The following TANGO6 variants were observed in gnomAD, a reference collection of about 807,000 sequenced individuals.
TANGO6 encodes the protein transport and golgi organization 6 homolog.
Under a neutral mutation model 114.2 loss-of-function variants are expected in TANGO6, and 90 were observed. That is an observed-to-expected ratio of 0.79 (90% CI 0.66 to 0.94). The LOEUF is 0.94. Among genes scored for constraint, TANGO6 ranks in the 40% least tolerant of loss-of-function variants. The pLI is 0.00. For missense variants in TANGO6, 1,274 were observed against 1,315.3 expected, an observed-to-expected ratio of 0.97 and a Z score of 0.49; for synonymous variants, 477 against 509.8, an observed-to-expected ratio of 0.94 and a Z score of 0.87.
intron 14 of TANGO6, among the ~76,000 whole-genome samples, chr16:68,945,849 T>C (rs1234935992): frequency 6.6e-6 from 1 of 151,848 alleles, no homozygotes; most frequent in Admixed American, 6.6e-5. Context: ...CCACACCCAG[T>C]TAATTTTTGT....
At chr16:68,952,001 T>C (rs1317969110) in intron 14 of TANGO6, among the ~76,000 whole-genome samples, 3 of 152,178 alleles carry the variant, frequency 2.0e-5, no homozygotes, top group African/African-American at 7.2e-5. Flanking sequence ...CTTAATTTCA[T>C]GGCTTCTGGG....
intron 15 of TANGO6, among the ~76,000 whole-genome samples, chr16:69,021,806 TG>T (rs1404618989): frequency 7.2e-5 from 11 of 152,078 alleles, no homozygotes; most frequent in African/African-American, 2.4e-4. Context: ...TAATTATAGT[TG>T]GGCTGGGTTT....
chr16:68,846,866 A>G (rs1037617417), intron 1 of TANGO6: 1 of 151,364 alleles, frequency 6.6e-6, no homozygotes. Flanking sequence ...GGAAAAAAGT[A>G]TCGAGAAACT....
At chr16:68,904,412 T>A (rs1388635309) in intron 9 of TANGO6, among the ~76,000 whole-genome samples, 1 of 152,234 alleles carries the variant, frequency 6.6e-6, no homozygotes, top group East Asian at 1.9e-4. Context: ...ATGACTGATC[T>A]GAAGGACTCT....
chr16:69,003,041 CA>C lies in TANGO6; in HGVS notation c.2843-19776del, dbSNP rs777168583. On this transcript the variant is annotated intron_variant, in intron 15 of 17. Transcript: ENST00000261778. ...TGGGTGACAGAGCAAGACTCCATCT[CA>C]AAAAAAAAAAGAAAGTTTTTAAATC... is the stretch of plus-strand genomic sequence containing the variant. Among the ~76,000 whole-genome samples the C allele has an allele frequency of 5.1e-4, 72 of 139,838 alleles. 1 individual carries two copies. In the South Asian group the frequency reaches 0.011, roughly 22 times the overall value. 91.7% of individuals were successfully genotyped at this position (139,838 alleles called of 152,430 possible). A position where few individuals can be genotyped will look rare whatever the true frequency, so the allele number is the denominator to read the frequency against.
chr16:69,052,672 G>A (rs903123795), intron 17 of TANGO6, among the ~76,000 whole-genome samples: 1 of 152,156 alleles, frequency 6.6e-6, no homozygotes, highest in Non-Finnish European at 1.5e-5. Context: ...TGAAGAAACA[G>A]TCCAGTGGCT....
rs185312789 is a variant in TANGO6, at chr16:68,926,160, G to A, written c.2128-1408G>A. ...AAGTCCATGATACAACCGAGGCACT[G>A]AATGAAGTTTAGCATAATGATAATA... On this transcript the variant is annotated intron_variant, in intron 12 of 17. Coordinates refer to ENST00000261778, the MANE Select transcript of TANGO6 (RefSeq NM_024562.2). Among the ~76,000 whole-genome samples the A allele has an allele frequency of 6.2e-3, 948 of 152,124 alleles. 2 individuals carry two copies. Among genetic ancestry groups the A allele is most frequent in the Non-Finnish European group, 0.011 (723 of 68,012 alleles).
Position 68,867,119 on chromosome 16 carries a change from C to T in TANGO6, c.893C>T (p.Pro298Leu). ...DVKTQMRCRA[P>L]AWLRRLCGQL... ...AAGACACAGATGAGGTGTCGGGCCC[C>T]AGCTTGGCTTCGGCGTCTATGTGGA... Residue 298 changes from proline to leucine, a missense_variant, in exon 4 of 18, where the codon CCA becomes CTA. Pro to Leu is a moderately conservative substitution (Grantham distance 98). Around this residue, in one of 5 missense-constraint regions of TANGO6, gnomAD observed 908 missense variants for 910.2 expected, o/e 1.00. Transcript: ENST00000261778. 2.5e-6 allele frequency: 4 copies of T among 1,613,842 alleles called. No individual in the cohort carries two copies. The highest frequency in any genetic ancestry group is 3.4e-6 in the Non-Finnish European group (4 of 1,179,884).
Position 68,889,583 on chromosome 16 carries a change from A to T in TANGO6, c.1377+8953A>T, listed in dbSNP as rs1026954672. Among the ~76,000 whole-genome samples, 3 of 152,206 alleles carry T rather than the reference A, an allele frequency of 2.0e-5. No individual in the cohort carries two copies. The East Asian group carries it at 5.8e-4, about 29-fold the overall frequency. On this transcript the variant is annotated intron_variant, in intron 7 of 17. Transcript: ENST00000261778. ...ACTGGCAATAATTCTTTCTGGAAAC[A>T]TCCATGTGTAATTGAACTGTGACCT...
chr16:68,967,954 A>G (rs539772998), intron 14 of TANGO6, among the ~76,000 whole-genome samples: 4 of 152,284 alleles, frequency 2.6e-5, no homozygotes, highest in Non-Finnish European at 5.9e-5. Flanking sequence ...TCTTGAAGTC[A>G]ACACTGTTTT....
intron 15 of TANGO6, among the ~76,000 whole-genome samples, chr16:69,009,072 C>CTTTTTTTTT (rs869092742): frequency 5.1e-5 from 4 of 77,678 alleles, no homozygotes; most frequent in African/African-American, 1.1e-4. Context: ...GAGTTTATTT[C>CTTTTTTTTT]TTTTTTTTTT....
chr16:68,904,557 A>G (rs1962824821), intron 9 of TANGO6, among the ~76,000 whole-genome samples: 2 of 152,208 alleles, frequency 1.3e-5, no homozygotes, highest in East Asian at 3.8e-4. Flanking sequence ...TGGGCTGCCA[A>G]ATTAGTAATT....
intron 1 of TANGO6, among the ~76,000 whole-genome samples, chr16:68,849,842 A>T (rs1567522859): frequency 6.6e-6 from 1 of 152,318 alleles, no homozygotes; most frequent in East Asian, 1.9e-4. Context: ...ACATTTCATT[A>T]TGAAAATTTG....
intron 17 of TANGO6, among the ~76,000 whole-genome samples, chr16:69,072,894 T>G (rs764873957): frequency 6.6e-6 from 1 of 151,900 alleles, no homozygotes; most frequent in Non-Finnish European, 1.5e-5. Flanking sequence ...AAGCTGACTT[T>G]ACTTTGAATG....
chr16:69,038,300 C>T (rs892576279), intron 16 of TANGO6, among the ~76,000 whole-genome samples: 1 of 152,008 alleles, frequency 6.6e-6, no homozygotes, highest in Admixed American at 6.6e-5. Context: ...CATGGTGACA[C>T]GCGCCTGTAG....
chr16:68,851,403 C>T (rs1961900727), intron 1 of TANGO6, among the ~76,000 whole-genome samples: 1 of 152,150 alleles, frequency 6.6e-6, no homozygotes, highest in East Asian at 1.9e-4. Context: ...TGTGATCCGC[C>T]CACCTCGGCC....
intron 14 of TANGO6, among the ~76,000 whole-genome samples, chr16:68,960,368 C>T (rs957806569): frequency 6.6e-6 from 1 of 151,222 alleles, no homozygotes; most frequent in Non-Finnish European, 1.5e-5. Context: ...CACAGCTTTC[C>T]TGACTTCTGC....
chr16:68,926,419 G>A (rs971087964), intron 12 of TANGO6, among the ~76,000 whole-genome samples: 2 of 151,482 alleles, frequency 1.3e-5, no homozygotes, highest in Admixed American at 6.6e-5. Flanking sequence ...GCGTGAACCC[G>A]GGAGGTGGAG....
chr16:68,948,093 A>AC (rs1963435731), intron 14 of TANGO6: 1 of 152,000 alleles, frequency 6.6e-6, no homozygotes, highest in Admixed American at 6.6e-5. Context: ...AAAGCCCACA[A>AC]CACTTGAGTT....
Sources: allele counts gnomAD v4.1 joint callset (sites outside exome capture counted in the v4.1 genomes callset), GRCh38; gene constraint gnomAD v4.1.1; regional missense constraint gnomAD v4.1.1; transcripts MANE v1.5; gene names NCBI Gene and HGNC (gene_info 2026-07-23, HGNC 2026-07-21).